Variants in MSRB3 observed in about 807,000 individuals in gnomAD.
MSRB3 encodes methionine sulfoxide reductase B3.
A neutral mutation model predicts 21.0 loss-of-function variants in MSRB3; 13 were observed. That is an observed-to-expected ratio of 0.62 (90% confidence interval 0.40 to 0.98). The LOEUF (loss-of-function observed/expected upper bound fraction) is 0.98. MSRB3 is among the 50% of genes least tolerant of loss of function. The pLI is 0.00. For synonymous variants in MSRB3, 87 were observed against 88.6 expected (o/e 0.98, Z 0.10); for missense variants, 199 against 230.3 (o/e 0.86, Z 0.88).
intron 6 of MSRB3, among the ~76,000 whole-genome samples, chr12:65,462,525 A>G (rs1450084838): frequency 6.6e-6 from 1 of 152,234 alleles, no homozygotes; most frequent in East Asian, 1.9e-4. Flanking sequence ...TAAAGAAGCC[A>G]GCATGACACT....
At chr12:65,344,999 A>G (rs963477094) in intron 4 of MSRB3, among the ~76,000 whole-genome samples, 1 of 152,040 alleles carries the variant, frequency 6.6e-6, no homozygotes, top group Non-Finnish European at 1.5e-5. Flanking sequence ...AGGTTAAGGA[A>G]GCCCTGCCTT....
At chr12:65,436,203 TG>T (rs1882107164) in intron 5 of MSRB3, among the ~76,000 whole-genome samples, 1 of 151,878 alleles carries the variant, frequency 6.6e-6, no homozygotes, top group South Asian at 2.1e-4. Context: ...TTATGATATA[TG>T]TTACAGATAA....
chr12:65,440,309 T>A (rs1012641460), intron 5 of MSRB3, among the ~76,000 whole-genome samples: 4 of 151,708 alleles, frequency 2.6e-5, no homozygotes, highest in Non-Finnish European at 4.4e-5. Context: ...ACAGGCATAT[T>A]TGAATAAAAT....
At chr12:65,441,466 C>G (rs1444498195) in intron 5 of MSRB3, among the ~76,000 whole-genome samples, 1 of 151,922 alleles carries the variant, frequency 6.6e-6, no homozygotes, top group Non-Finnish European at 1.5e-5. Context: ...AGACTTGTAT[C>G]TGTGTATTTT....
At chr12:65,384,713 A>G (rs1879120792) in intron 5 of MSRB3, among the ~76,000 whole-genome samples, 1 of 152,182 alleles carries the variant, frequency 6.6e-6, no homozygotes, top group Non-Finnish European at 1.5e-5. Context: ...TAACTGAAAT[A>G]TAGCTTTTGT....
intron 5 of MSRB3, among the ~76,000 whole-genome samples, chr12:65,397,843 G>T (rs952368610): frequency 4.6e-5 from 7 of 152,158 alleles, no homozygotes; most frequent in African/African-American, 1.4e-4. Context: ...CCACTTATGA[G>T]TGAGAACATG....
chr12:65,409,150 C>T (rs1168692409), intron 5 of MSRB3, among the ~76,000 whole-genome samples: 1 of 132,182 alleles, frequency 7.6e-6, no homozygotes, highest in African/African-American at 3.0e-5. Context: ...CATATTATAC[C>T]TATATATCTA....
At chr12:65,334,144 T>C (rs1019886166) in intron 4 of MSRB3, among the ~76,000 whole-genome samples, 2 of 152,238 alleles carry the variant, frequency 1.3e-5, no homozygotes, top group African/African-American at 2.4e-5. Flanking sequence ...CATTTTAATA[T>C]TTTGTATACA....
intron 5 of MSRB3, among the ~76,000 whole-genome samples, chr12:65,439,515 A>G (rs1298648471): frequency 6.6e-6 from 1 of 151,704 alleles, no homozygotes; most frequent in African/African-American, 2.4e-5. Context: ...AGAAGATGAT[A>G]TATCATGTAT....
chr12:65,326,711 A>G (rs1380709629), intron 2 of MSRB3, 115 bp from the exon 3 acceptor site: 1 of 745,840 alleles, frequency 1.3e-6, no homozygotes, highest in Non-Finnish European at 2.4e-6. Context: ...TGCATTAGAG[A>G]CTGGTCTGGT....
intron 5 of MSRB3, among the ~76,000 whole-genome samples, chr12:65,371,507 A>C (rs1385710213): frequency 2.6e-5 from 4 of 151,854 alleles, no homozygotes; most frequent in South Asian, 2.1e-4. Context: ...GAAAAACAAA[A>C]CCATAAAAAA....
chr12:65,419,463 G>T, intron 5 of MSRB3: 1 of 745,418 alleles, frequency 1.3e-6, no homozygotes, highest in South Asian at 1.4e-5. Flanking sequence ...CAATGACCTT[G>T]CAGAGCCCAT....
At chr12:65,408,329 G>A (rs1024468059) in intron 5 of MSRB3, among the ~76,000 whole-genome samples, 4 of 152,064 alleles carry the variant, frequency 2.6e-5, no homozygotes, top group East Asian at 1.9e-4. Context: ...TCCTGACCTC[G>A]TGATCCACCC....
intron 4 of MSRB3, among the ~76,000 whole-genome samples, chr12:65,360,587 T>C (rs1283072207): frequency 6.6e-6 from 1 of 152,132 alleles, no homozygotes; most frequent in East Asian, 1.9e-4. Flanking sequence ...ACTTACTTTT[T>C]CCTCTGTTCC....
At chr12:65,339,387 A>C (rs1202318201) in intron 4 of MSRB3, among the ~76,000 whole-genome samples, 6 of 152,244 alleles carry the variant, frequency 3.9e-5, no homozygotes. Flanking sequence ...TGATCTAGAC[A>C]ACCAACAGAA....
intron 4 of MSRB3, among the ~76,000 whole-genome samples, chr12:65,345,372 C>T (rs1008528677): frequency 5.3e-5 from 8 of 151,908 alleles, no homozygotes; most frequent in African/African-American, 9.7e-5. Context: ...TGGGAAACAC[C>T]GAATTAAAAT....
chr12:65,289,228 C>T (rs1872550619), intron 1 of MSRB3, among the ~76,000 whole-genome samples: 1 of 152,166 alleles, frequency 6.6e-6, no homozygotes, highest in Non-Finnish European at 1.5e-5. Flanking sequence ...GGCGTGGTGG[C>T]TCACGCCTGT....
intron 5 of MSRB3, among the ~76,000 whole-genome samples, chr12:65,428,763 C>T (rs1881732873): frequency 6.6e-6 from 1 of 152,182 alleles, no homozygotes; most frequent in Admixed American, 6.5e-5. Context: ...AATTTCTCTA[C>T]TTCCCACCCC....
chr12:65,364,745 G>A (rs971566417), intron 4 of MSRB3, among the ~76,000 whole-genome samples: 1 of 152,104 alleles, frequency 6.6e-6, no homozygotes. Context: ...TGTTAGAGGA[G>A]TACTTTGTAT....
Sources: gnomAD v4.1 joint callset for allele counts (sites outside exome capture counted in the v4.1 genomes callset) on GRCh38, gnomAD v4.1.1 for gene constraint, MANE v1.5 for transcripts, NCBI Gene and HGNC (gene_info 2026-07-23, HGNC 2026-07-21) for gene names.